The following GSDMC variants were observed in gnomAD, a reference collection of about 807,000 sequenced individuals.
The protein encoded by GSDMC is gasdermin-C.
A neutral mutation model predicts 58.0 loss-of-function variants in GSDMC; 59 were observed. That is an observed-to-expected ratio of 1.02 (90% CI 0.82 to 1.26). The LOEUF is 1.26. Ranked by LOEUF, GSDMC falls within the 50% of genes most tolerant of loss-of-function variation. The pLI is 0.00. For missense variants in GSDMC, 659 were observed against 598.5 expected (o/e 1.10, Z -1.06); for synonymous variants, 241 against 220.2 (o/e 1.09, Z -0.83).
chr8:129,708,260 G>T, the GSDMC span, among the ~76,000 whole-genome samples: 2 of 152,252 alleles, frequency 1.3e-5, no homozygotes, highest in African/African-American at 4.8e-5. Flanking sequence ...CAAGGGAACA[G>T]TTCCTGAAGG....
At chr8:129,751,239 C>A (rs2033177843) in intron 10 of GSDMC, among the ~76,000 whole-genome samples, 1 of 152,146 alleles carries the variant, frequency 6.6e-6, no homozygotes, top group Non-Finnish European at 1.5e-5. Flanking sequence ...ATGCTGGGGG[C>A]CCTCTGTCTC....
chr8:129,719,091 G>A, the GSDMC span, among the ~76,000 whole-genome samples: 5 of 152,146 alleles, frequency 3.3e-5, no homozygotes, highest in Non-Finnish European at 5.9e-5. Context: ...TAGATGACGA[G>A]TTGATGGGTG....
At chr8:129,773,520 C>T (rs898431742) in intron 3 of GSDMC, among the ~76,000 whole-genome samples, 3 of 152,170 alleles carry the variant, frequency 2.0e-5, no homozygotes, top group Non-Finnish European at 4.4e-5. Context: ...CATGGTGGCT[C>T]TCACCTGTAA....
intron 3 of GSDMC, among the ~76,000 whole-genome samples, chr8:129,772,391 CAAACCAAGAA>C (rs1041468369): frequency 6.6e-6 from 1 of 150,748 alleles, no homozygotes; most frequent in African/African-American, 2.4e-5. Context: ...CTTAGCTAGA[CAAACCAAGAA>C]AGAAGAACTC....
At chr8:129,778,893 T>C (rs561659194) in intron 1 of GSDMC, among the ~76,000 whole-genome samples, 5 of 150,408 alleles carry the variant, frequency 3.3e-5, no homozygotes, top group African/African-American at 1.2e-4. Context: ...GAAACACAAA[T>C]CAAAACCACA....
intron 2 of GSDMC, among the ~76,000 whole-genome samples, chr8:129,777,118 C>T (rs1212056078): frequency 1.3e-5 from 2 of 152,118 alleles, no homozygotes; most frequent in East Asian, 3.9e-4. Context: ...TCTATTTACT[C>T]TTATGTAAAA....
the GSDMC span, among the ~76,000 whole-genome samples, chr8:129,712,218 C>T: frequency 2.0e-5 from 3 of 152,146 alleles, no homozygotes; most frequent in Non-Finnish European, 4.4e-5. Context: ...TTATTCAATA[C>T]GTGGCATATT....
chr8:129,761,854 G>C (rs1370653835), intron 5 of GSDMC, among the ~76,000 whole-genome samples: 1 of 152,166 alleles, frequency 6.6e-6, no homozygotes, highest in Non-Finnish European at 1.5e-5. Flanking sequence ...ACTGATGGGA[G>C]GTAACTGACA....
Position 129,777,379 on chromosome 8 carries a change from G to C in GSDMC, c.209C>G (p.Ser70Cys). ...CTGGCTGACAATACCTAGGACTGAA[G>C]AACTTGGCTCCAGGATGTCATTGAG... ...FSLNDILEPS[S>C]SVLETVVTGP... The change falls in exon 2 of 14, where the codon TCT becomes TGT. Residue 70 changes from serine to cysteine, a missense_variant. By Grantham distance (112) the Ser-to-Cys change is moderately radical (BLOSUM62 -1). Transcript: ENST00000276708. 6.2e-7 allele frequency: 1 copy of C among 1,608,472 alleles called. No homozygotes were observed. Among genetic ancestry groups the C allele is most frequent in the Non-Finnish European group, 8.5e-7 (1 of 1,174,904 alleles).
chr8:129,751,888 T>C lies in GSDMC; in HGVS notation c.890A>G (p.Tyr297Cys). The change falls in exon 9 of 14, where the codon TAC (tyrosine) becomes TGC (cysteine). Residue 297 changes from tyrosine (Y) to cysteine (C), a missense_variant. Physicochemically the swap from Tyr to Cys is radical, Grantham distance 194. Coordinates refer to ENST00000276708, the MANE Select transcript of GSDMC (RefSeq NM_031415.3). ...TACTGGGAGGATGTGAACTTGTTCG[T>C]ATTCTAAAAAAAGAAATGAAATTCC... The part of the protein sequence containing the change: ...QQFLSGHLPK[Y>C]EQVHILPVGR... The C allele has an allele frequency of 6.2e-7, 1 of 1,612,852 alleles. No homozygotes were observed. The highest frequency in any genetic ancestry group is 8.5e-7 in the Non-Finnish European group (1 of 1,179,004).
the GSDMC span, among the ~76,000 whole-genome samples, chr8:129,733,549 C>T: frequency 6.6e-6 from 1 of 152,198 alleles, no homozygotes; most frequent in East Asian, 1.9e-4. Flanking sequence ...GGACCTCCAG[C>T]AAACTCCAAC....
chr8:129,728,234 A>T, the GSDMC span, among the ~76,000 whole-genome samples: 1 of 151,868 alleles, frequency 6.6e-6, no homozygotes, highest in Admixed American at 6.6e-5. Context: ...TCTCCTCCAC[A>T]CTCAGGTAGA....
intron 6 of GSDMC, among the ~76,000 whole-genome samples, chr8:129,753,044 G>T (rs958613104): frequency 6.6e-6 from 1 of 152,172 alleles, no homozygotes; most frequent in Non-Finnish European, 1.5e-5. Context: ...GGAGTCCTAG[G>T]TAAACTTAAA....
the GSDMC span, chr8:129,729,173 GAT>G: frequency 3.0e-6 from 2 of 669,196 alleles, no homozygotes; most frequent in South Asian, 2.8e-5. Context: ...AGAGATATTT[GAT>G]ATGTGTCAGC....
At chr8:129,716,418 T>G in the GSDMC span, among the ~76,000 whole-genome samples, 1 of 152,226 alleles carries the variant, frequency 6.6e-6, no homozygotes, top group Non-Finnish European at 1.5e-5. Context: ...GCTCTCTGTT[T>G]GTCTATTAGT....
At chr8:129,708,608 T>C in the GSDMC span, among the ~76,000 whole-genome samples, 5 of 152,244 alleles carry the variant, frequency 3.3e-5, no homozygotes, top group South Asian at 2.1e-4. Context: ...ATCTTTCACA[T>C]TGGTGATAGT....
intron 3 of GSDMC, among the ~76,000 whole-genome samples, chr8:129,770,503 C>T (rs1030136729): frequency 6.6e-6 from 1 of 151,940 alleles, no homozygotes; most frequent in Non-Finnish European, 1.5e-5. Flanking sequence ...CAAAAATGTC[C>T]CAAATAGGTT....
At chr8:129,777,142 C>A (rs1477758517) in intron 2 of GSDMC, among the ~76,000 whole-genome samples, 2 of 152,126 alleles carry the variant, frequency 1.3e-5, no homozygotes, top group Non-Finnish European at 2.9e-5. Flanking sequence ...GGATAATATC[C>A]TCACCTCATG....
At chr8:129,736,694 G>A in the GSDMC span, among the ~76,000 whole-genome samples, 1 of 152,170 alleles carries the variant, frequency 6.6e-6, no homozygotes, top group Non-Finnish European at 1.5e-5. Context: ...TACTGAATGG[G>A]CAAAAACTGG....
Sources: gnomAD v4.1 joint callset for allele counts (sites outside exome capture counted in the v4.1 genomes callset) on GRCh38, gnomAD v4.1.1 for gene constraint, MANE v1.5 for transcripts, NCBI Gene and HGNC (gene_info 2026-07-23, HGNC 2026-07-21) for gene names.